Variants in APC2 observed in about 807,000 individuals in gnomAD.
APC2 encodes the protein adenomatous polyposis coli protein 2.
In APC2, 41 loss-of-function variants were observed where a neutral mutation model predicts 72.5. That is an observed-to-expected ratio of 0.57 (90% CI 0.44 to 0.73). APC2 has a LOEUF of 0.73. Ranked by LOEUF, APC2 falls within the 30% of genes least tolerant of loss-of-function variation. The pLI, the probability that APC2 is intolerant of heterozygous loss-of-function variation, is 0.00. For synonymous variants in APC2, 1,898 were observed against 1,612.0 expected, an observed-to-expected ratio of 1.18 and a Z score of -4.25; for missense variants, 3,729 against 3,403.4, an observed-to-expected ratio of 1.10 and a Z score of -2.38.
Position 1,469,186 on chromosome 19 carries a change from G to A in APC2, c.5885G>A (p.Gly1962Asp), listed in dbSNP as rs1599164829. ...GPRGRAGTEA[G>D]PGARGGRLGL... Reference sequence around the variant, plus strand: ...AGGGGCCGGGCGGGGACCGAGGCGGGCCCGGGGGCGCGCGGGGGCCGCCTG... The same window carrying A: ...AGGGGCCGGGCGGGGACCGAGGCGGACCCGGGGGCGCGCGGGGGCCGCCTG... The change falls in exon 15 of 15, where the codon GGC becomes GAC. Residue 1962 changes from glycine (G) to aspartate (D), a missense_variant. Gly to Asp is a moderately conservative substitution (Grantham distance 94). Coordinates refer to ENST00000590469, the MANE Select transcript of APC2 (RefSeq NM_005883.3). 7.8e-7 allele frequency: 1 copy of A among 1,289,080 alleles called. No individual in the cohort carries two copies. Among genetic ancestry groups the A allele is most frequent in the East Asian group, 3.4e-5 (1 of 29,772 alleles). 79.9% of individuals were successfully genotyped at this position (1,289,080 alleles called of 1,614,324 possible).
rs913029958 is a variant in APC2 at position 1,453,516 on chromosome 19, G to A, written c.318G>A (p.Glu106=). The A allele has an allele frequency of 1.2e-6, 2 of 1,610,648 alleles. No homozygotes were observed. Among genetic ancestry groups the A allele is most frequent in the Non-Finnish European group, 8.5e-7 (1 of 1,178,662 alleles). Residue 106 remains glutamate, a synonymous_variant, in exon 4 of 15, where the codon GAG becomes GAA. Transcript: ENST00000590469. ...LGPEPAARTP[E]GSPVHGSGPS... Reference sequence around the variant, plus strand: ...CGGAGCCTGCCGCCCGGACCCCCGAGGGCAGCCCAGTACACGGCTCCGGGC... The same window carrying A: ...CGGAGCCTGCCGCCCGGACCCCCGAAGGCAGCCCAGTACACGGCTCCGGGC...
In APC2 at chr19:1,469,689, G is replaced by A. The variant is rs2145261726; in HGVS notation, c.6388G>A (p.Asp2130Asn). The A allele has an allele frequency of 4.5e-6, 6 of 1,328,222 alleles. No homozygotes were observed. Among genetic ancestry groups the A allele is most frequent in the Non-Finnish European group, 5.7e-6 (6 of 1,045,728 alleles). 82.3% of individuals were successfully genotyped at this position (1,328,222 alleles called of 1,614,324 possible). Residue 2130 changes from aspartate (D) to asparagine (N), a missense_variant, in exon 15 of 15, where the codon GAC (aspartate) becomes AAC (asparagine). Asp to Asn is a conservative substitution (Grantham distance 23, BLOSUM62 1). Coordinates refer to ENST00000590469, the MANE Select transcript of APC2 (RefSeq NM_005883.3). ...ASADAARRSS[D>N]GEPRPLPRVA... is the part of the protein sequence containing the mutation. ...AGCCGACGCCGCGCGCCGCAGCAGC[G>A]ACGGGGAGCCCCGGCCGCTCCCCAG...
intron 13 of APC2, chr19:1,461,430 G>T (rs879853745): frequency 1.2e-5 from 6 of 503,412 alleles, no homozygotes; most frequent in South Asian, 2.3e-5. Context: ...ACAGCCAGGC[G>T]TGGCAGCGGG....
At position 1,466,067 on chromosome 19, in the gene APC2, C is replaced by T. The variant is rs1456522832; in HGVS notation, c.2766C>T (p.Leu922=). Residue 922 remains leucine (L), a synonymous_variant, in exon 15 of 15, where the codon CTC becomes CTT. Coordinates refer to ENST00000590469, the MANE Select transcript of APC2 (RefSeq NM_005883.3). ...GGCTCAAGGCGGCCCACGCCAGCCT[C>T]TCCAACGACAGCCTCAACAGCGGCA... ...LLRLKAAHAS[L]SNDSLNSGSA... The T allele has an allele frequency of 2.0e-6, 3 of 1,521,120 alleles. No homozygotes were observed. The highest frequency in any genetic ancestry group is 2.6e-6 in the Non-Finnish European group (3 of 1,143,504). The allele number at this position is 1,521,120 out of a possible 1,614,324, so 94.2% of individuals were successfully genotyped here. A position where few individuals can be genotyped will look rare whatever the true frequency, so the allele number is the denominator to read the frequency against.
upstream of APC2, among the ~76,000 whole-genome samples, chr19:1,448,598 C>A (rs972326378): frequency 4.1e-5 from 6 of 146,834 alleles, no homozygotes; most frequent in African/African-American, 1.5e-4. Context: ...GTAATCCCAG[C>A]ACTTTGGGAG....
At position 1,467,313 on chromosome 19, in the gene APC2, C is replaced by A; in HGVS notation, c.4012C>A (p.Gln1338Lys). 7.4e-7 allele frequency: 1 copy of A among 1,349,642 alleles called. No individual in the cohort carries two copies. Among genetic ancestry groups the A allele is most frequent in the South Asian group, 1.8e-5 (1 of 55,076 alleles). 83.6% of individuals were successfully genotyped at this position (1,349,642 alleles called of 1,614,324 possible). A position where few individuals can be genotyped will look rare whatever the true frequency, so the allele number is the denominator to read the frequency against. ...TGSRPRGAAD[Q>K]ELELLRECLG... ...TTCTCGCCCTCGCGGCGCCGCGGAC[C>A]AGGAGCTGGAACTGCTGCGGGAGTG... Residue 1338 changes from glutamine (Q) to lysine (K), a missense_variant, in exon 15 of 15, where the codon CAG (glutamine) becomes AAG (lysine). Gln to Lys is a moderately conservative substitution (Grantham distance 53). Coordinates refer to ENST00000590469, the MANE Select transcript of APC2 (RefSeq NM_005883.3).
chr19:1,459,684 C>T (rs998962819), intron 10 of APC2, among the ~76,000 whole-genome samples: 5 of 152,214 alleles, frequency 3.3e-5, no homozygotes, highest in Admixed American at 1.3e-4. Flanking sequence ...GACTCACAGG[C>T]GCCATCTCCC....
chr19:1,448,402 C>T (rs1343391555), upstream of APC2, among the ~76,000 whole-genome samples: 2 of 152,094 alleles, frequency 1.3e-5, no homozygotes, highest in Admixed American at 6.5e-5. Context: ...CAAAAATTAG[C>T]TGGCAAGGTG....
In APC2 at chr19:1,455,131, C is replaced by G; in HGVS notation, c.414-18C>G. On this transcript the variant is annotated intron_variant, in intron 4 of 14. Transcript: ENST00000590469. ...CGGCGCCGCCCTCTGAGCCCGCCCC[C>G]GCTGACTTGCTCCCCAGGTGTTTCC... 6.5e-7 allele frequency: 1 copy of G among 1,538,174 alleles called. No individual in the cohort carries two copies. The highest frequency in any genetic ancestry group is 1.4e-5 in the African/African-American group (1 of 69,938).
Position 1,472,776 on chromosome 19 carries a change from G to C in APC2, c.*2563G>C, listed in dbSNP as rs1438467678. ...CTCCCTCCCACCGCGGCCCCTGCCT[G>C]GCCACCTGGCCTCTCTGCACCAGGG... On this transcript the variant is annotated 3_prime_UTR_variant, in exon 15 of 15. Coordinates refer to ENST00000590469, the MANE Select transcript of APC2 (RefSeq NM_005883.3). 1 of 152,544 alleles carries C rather than the reference G, an allele frequency of 6.6e-6. No individual in the cohort carries two copies. The highest frequency in any genetic ancestry group is 1.5e-5 in the Non-Finnish European group (1 of 68,316). 9.4% of individuals were successfully genotyped at this position (152,544 alleles called of 1,614,324 possible).
intron 6 of APC2, among the ~76,000 whole-genome samples, 200 bp from the exon 7 acceptor site, chr19:1,455,876 G>A (rs933868964): frequency 1.9e-5 from 2 of 107,358 alleles, no homozygotes; most frequent in East Asian, 3.0e-4. Context: ...ACAGTGGGTG[G>A]GGTCATATCT....
chr19:1,462,797 C>T (rs2083948885), intron 14 of APC2, among the ~76,000 whole-genome samples: 1 of 149,284 alleles, frequency 6.7e-6, no homozygotes, highest in Non-Finnish European at 1.5e-5. Context: ...GGTGAAACCC[C>T]CATCTCTACT....
chr19:1,468,125 G>A lies in APC2; in HGVS notation c.4824G>A (p.Lys1608=), dbSNP rs2084057159. 1 of 1,509,494 alleles carries A rather than the reference G, an allele frequency of 6.6e-7. No individual in the cohort carries two copies. The highest frequency in any genetic ancestry group is 1.4e-5 in the African/African-American group (1 of 69,122). 93.5% of individuals were successfully genotyped at this position (1,509,494 alleles called of 1,614,324 possible). A position where few individuals can be genotyped will look rare whatever the true frequency, so the allele number is the denominator to read the frequency against. Residue 1608 remains lysine, a synonymous_variant, in exon 15 of 15, where the codon AAG becomes AAA. Transcript: ENST00000590469. ...HPRGREPAVT[K]DPGPGGGRDS... is the part of the protein sequence containing the mutation. The stretch of plus-strand genomic sequence containing the variant: ...GAGGCCGGGAGCCCGCGGTCACCAA[G>A]GACCCGGGCCCAGGAGGCGGACGCG...
In APC2 at chr19:1,467,836, A is replaced by C. The variant is rs2084048312; in HGVS notation, c.4535A>C (p.Asn1512Thr). 4 of 1,524,898 alleles carry C rather than the reference A, an allele frequency of 2.6e-6. No individual in the cohort carries two copies. Among genetic ancestry groups the C allele is most frequent in the Middle Eastern group, 1.8e-4 (1 of 5,668 alleles). 94.5% of individuals were successfully genotyped at this position (1,524,898 alleles called of 1,614,324 possible). ...TEEAVYCFYG[N>T]DSDEEPPAAA... Reference sequence around the variant, plus strand: ...GAGGCCGTGTACTGCTTCTACGGCAACGACTCGGACGAGGAGCCCCCGGCG... The same window carrying C: ...GAGGCCGTGTACTGCTTCTACGGCACCGACTCGGACGAGGAGCCCCCGGCG... Residue 1512 changes from asparagine (N) to threonine (T), a missense_variant, in exon 15 of 15, where the codon AAC becomes ACC. Physicochemically the swap from Asn to Thr is moderately conservative, Grantham distance 65. Transcript: ENST00000590469.
Position 1,456,112 on chromosome 19 carries a change from C to A in APC2, c.676C>A (p.Leu226Met). ...ASRLEQIDKELLEAQDRVQQT... is the reference protein window; with the variant it reads ...ASRLEQIDKEMLEAQDRVQQT... ...GCGCCTGGAGCAGATTGACAAGGAG[C>A]TGCTGGAGGCGCAGGACCGAGTGCA... The change falls in exon 7 of 15, where the codon CTG becomes ATG. Residue 226 changes from leucine (L) to methionine (M), a missense_variant. Coordinates refer to ENST00000590469, the MANE Select transcript of APC2 (RefSeq NM_005883.3). 1 of 1,591,522 alleles carries A rather than the reference C, an allele frequency of 6.3e-7. No individual in the cohort carries two copies. The highest frequency in any genetic ancestry group is 1.7e-5 in the Admixed American group (1 of 57,212).
At chr19:1,461,745 C>T (rs775529621) in intron 13 of APC2, 141 of 547,254 alleles carry the variant, frequency 2.6e-4, no homozygotes, top group Non-Finnish European at 3.6e-4. Context: ...CCAGCTACTC[C>T]GGAGGCTGAG....
At position 1,471,115 on chromosome 19, in the gene APC2, C is replaced by A. The variant is rs1197303328; in HGVS notation, c.*902C>A. 1 of 152,340 alleles carries A rather than the reference C, an allele frequency of 6.6e-6. No homozygotes were observed. Among genetic ancestry groups the A allele is most frequent in the Non-Finnish European group, 1.5e-5 (1 of 68,146 alleles). The allele number at this position is 152,340 out of a possible 1,614,324, so 9.4% of individuals were successfully genotyped here. ...GCGGGCGAGGCCAATGGAAAGGAGA[C>A]TGAGGGGAGTCCCGGCAGTGAGCCC... On this transcript the variant is annotated 3_prime_UTR_variant, in exon 15 of 15. Transcript: ENST00000590469.
At position 1,452,900 on chromosome 19, in the gene APC2, C is replaced by G; in HGVS notation, c.-18-84C>G. ...CCAGGATCAGGCAGGACGGCTGGGG[C>G]TTAGGTCAGGGGCCGTCTGTCCGGA... On this transcript the variant is annotated intron_variant, in intron 1 of 14. Coordinates refer to ENST00000590469, the MANE Select transcript of APC2 (RefSeq NM_005883.3). This position sits in a 1 kb window ranked among gnomAD's most constrained non-coding sequence, Gnocchi z 5.1. The G allele has an allele frequency of 6.8e-7, 1 of 1,480,014 alleles. No individual in the cohort carries two copies. Among genetic ancestry groups the G allele is most frequent in the East Asian group, 2.4e-5 (1 of 42,438 alleles). 91.7% of individuals were successfully genotyped at this position (1,480,014 alleles called of 1,614,324 possible). A position where few individuals can be genotyped will look rare whatever the true frequency, so the allele number is the denominator to read the frequency against.
rs2084052264 is a variant in APC2 at position 1,467,965 on chromosome 19, C to T, written c.4664C>T (p.Ala1555Val). The change falls in exon 15 of 15, where the codon GCA becomes GTA. Residue 1555 changes from alanine (A) to valine (V), a missense_variant. Coordinates refer to ENST00000590469, the MANE Select transcript of APC2 (RefSeq NM_005883.3). The stretch of plus-strand genomic sequence containing the variant: ...GAGGCCCCTGCCCCGTCCAAGGCTG[C>T]ACCAGCTGCCCCGCCGCCCGCCCGG... ...RKEAPAPSKA[A>V]PAAPPPARTQ... The T allele has an allele frequency of 1.9e-6, 3 of 1,580,042 alleles. No homozygotes were observed. Among genetic ancestry groups the T allele is most frequent in the African/African-American group, 1.4e-5 (1 of 71,976 alleles).
Sources: allele counts gnomAD v4.1 joint callset (sites outside exome capture counted in the v4.1 genomes callset), GRCh38; gene constraint gnomAD v4.1.1; non-coding constraint Gnocchi (gnomAD v3.1); transcripts MANE v1.5; gene names NCBI Gene and HGNC (gene_info 2026-07-23, HGNC 2026-07-21).